KLHL1: variants seen among roughly 807,000 people sequenced by gnomAD.
KLHL1 encodes the protein kelch like family member 1.
Under a neutral mutation model 77.7 loss-of-function variants are expected in KLHL1, and 47 were observed. The ratio of observed to expected loss-of-function variants is 0.60; its 90% confidence interval spans 0.48 to 0.77. The LOEUF (loss-of-function observed/expected upper bound fraction) is 0.77. Among genes scored for constraint, KLHL1 ranks in the 30% least tolerant of loss-of-function variants. KLHL1 has a pLI of 0.00. For synonymous variants in KLHL1, 360 were observed against 325.2 expected (o/e 1.11, Z -1.15); for missense variants, 925 against 910.8 (o/e 1.02, Z -0.20).
At chr13:70,012,967 G>C (rs1885574623) in intron 1 of KLHL1, among the ~76,000 whole-genome samples, 1 of 151,856 alleles carries the variant, frequency 6.6e-6, no homozygotes, top group South Asian at 2.1e-4. Context: ...TTGAACCTAA[G>C]CCTATTTATC....
At chr13:70,044,560 C>G (rs542165673) in intron 1 of KLHL1, among the ~76,000 whole-genome samples, 1 of 151,502 alleles carries the variant, frequency 6.6e-6, no homozygotes. Flanking sequence ...TTTTAAAATA[C>G]CCTATACCAA....
intron 1 of KLHL1, among the ~76,000 whole-genome samples, chr13:69,981,089 T>A (rs1187113694): frequency 6.6e-6 from 1 of 152,122 alleles, no homozygotes; most frequent in Non-Finnish European, 1.5e-5. Context: ...TGGCATAAAT[T>A]GTAATTTTTG....
chr13:70,050,739 G>T (rs1284722919), intron 1 of KLHL1, among the ~76,000 whole-genome samples: 1 of 151,764 alleles, frequency 6.6e-6, no homozygotes, highest in East Asian at 1.9e-4. Flanking sequence ...CCTGGTAATT[G>T]TTACCTATCA....
intron 9 of KLHL1, among the ~76,000 whole-genome samples, chr13:69,716,921 A>G (rs1041721200): frequency 6.6e-6 from 1 of 152,108 alleles, no homozygotes; most frequent in Non-Finnish European, 1.5e-5. Flanking sequence ...CATTTTGGAC[A>G]CTGATTTTTC....
intron 7 of KLHL1, among the ~76,000 whole-genome samples, chr13:69,790,467 T>C (rs1311356418): frequency 6.6e-6 from 1 of 152,188 alleles, no homozygotes; most frequent in Non-Finnish European, 1.5e-5. Flanking sequence ...ATTACCTTGA[T>C]ACCTAAACCA....
At chr13:69,777,280 T>G (rs1196199369) in intron 7 of KLHL1, among the ~76,000 whole-genome samples, 1 of 152,186 alleles carries the variant, frequency 6.6e-6, no homozygotes, top group African/African-American at 2.4e-5. Flanking sequence ...CTCAGGTATT[T>G]CTTCATAGCA....
intron 1 of KLHL1, among the ~76,000 whole-genome samples, chr13:70,033,869 C>G (rs945123384): frequency 6.6e-6 from 1 of 151,974 alleles, no homozygotes; most frequent in Non-Finnish European, 1.5e-5. Context: ...ATCTTCCTGC[C>G]CCCACCTCTG....
intron 4 of KLHL1, among the ~76,000 whole-genome samples, chr13:69,934,348 C>T (rs1883101109): frequency 6.6e-6 from 1 of 152,114 alleles, no homozygotes; most frequent in East Asian, 1.9e-4. Context: ...TCTTATATTA[C>T]ATCTTATAAT....
At chr13:69,733,686 G>A (rs74090432) in intron 8 of KLHL1, among the ~76,000 whole-genome samples, 7,312 of 152,116 alleles carry the variant, frequency 0.048, 541 homozygotes, top group African/African-American at 0.16. Context: ...AAGACAAGTC[G>A]GATGTTACCA....
chr13:69,795,456 G>A (rs1355925870), intron 7 of KLHL1, among the ~76,000 whole-genome samples: 2 of 152,256 alleles, frequency 1.3e-5, no homozygotes, highest in Admixed American at 1.3e-4. Context: ...AGGAAAGGAA[G>A]CACTTAGTCA....
chr13:70,101,718 C>A (rs553046713), intron 1 of KLHL1, among the ~76,000 whole-genome samples: 2 of 152,190 alleles, frequency 1.3e-5, no homozygotes, highest in South Asian at 4.2e-4. Flanking sequence ...CGTGAGCCAC[C>A]ACACCTGGCC....
intron 5 of KLHL1, among the ~76,000 whole-genome samples, chr13:69,867,535 T>G (rs1880409460): frequency 6.6e-6 from 1 of 152,018 alleles, no homozygotes; most frequent in Non-Finnish European, 1.5e-5. Context: ...AAATTTTCAG[T>G]CAGTTGACAC....
intron 1 of KLHL1, among the ~76,000 whole-genome samples, chr13:70,039,000 T>C (rs1016647827): frequency 6.6e-6 from 1 of 152,022 alleles, no homozygotes; most frequent in Non-Finnish European, 1.5e-5. Context: ...TTTTTGGCCA[T>C]TTTTATATCT....
At chr13:69,933,071 A>G (rs1444411743) in intron 4 of KLHL1, among the ~76,000 whole-genome samples, 3 of 152,056 alleles carry the variant, frequency 2.0e-5, no homozygotes, top group African/African-American at 7.2e-5. Flanking sequence ...AACATTAAAC[A>G]TCACTAGTCA....
chr13:69,974,293 A>C (rs2137289833), intron 2 of KLHL1, among the ~76,000 whole-genome samples: 1 of 151,310 alleles, frequency 6.6e-6, no homozygotes, highest in African/African-American at 2.4e-5. Context: ...TGTTCAGAAT[A>C]ATACATATAA....
intron 4 of KLHL1, among the ~76,000 whole-genome samples, chr13:69,939,340 C>CATACATATATATATAT (rs1555283221): frequency 6.6e-5 from 4 of 60,842 alleles, no homozygotes; most frequent in African/African-American, 2.7e-4. Flanking sequence ...CATATACATA[C>CATACATATATATATAT]ATATATATAT....
intron 4 of KLHL1, among the ~76,000 whole-genome samples, chr13:69,906,347 C>A (rs567470608): frequency 6.6e-6 from 1 of 152,028 alleles, no homozygotes; most frequent in South Asian, 2.1e-4. Context: ...TTCACAGGGA[C>A]AGTTATAAGA....
In KLHL1 at chr13:69,881,887, A is replaced by G. The variant is rs141492945; in HGVS notation, c.1227+396T>C. On this transcript the variant is annotated intron_variant, in intron 5 of 10. Transcript: ENST00000377844. ...TCACACAATATATGCATTTACATCA[A>G]TGGATGATCACATTATTGCATCTTA... Among the ~76,000 whole-genome samples the G allele has an allele frequency of 5.3e-4, 80 of 152,286 alleles. 1 individual carries two copies. Among genetic ancestry groups the G allele is most frequent in the African/African-American group, 1.8e-3 (75 of 41,564 alleles).
intron 7 of KLHL1, among the ~76,000 whole-genome samples, chr13:69,767,407 T>C (rs968416366): frequency 6.6e-6 from 1 of 152,100 alleles, no homozygotes; most frequent in African/African-American, 2.4e-5. Flanking sequence ...TTTTAAGAAA[T>C]ATCAGTTATC....
Sources: allele counts gnomAD v4.1 joint callset (sites outside exome capture counted in the v4.1 genomes callset), GRCh38; gene constraint gnomAD v4.1.1; transcripts MANE v1.5; gene names NCBI Gene and HGNC (gene_info 2026-07-23, HGNC 2026-07-21).